ESRRG: variants seen among roughly 807,000 people sequenced by gnomAD.
ESRRG encodes estrogen-related receptor gamma.
A neutral mutation model predicts 44.0 loss-of-function variants in ESRRG; 13 were observed. The ratio of observed to expected loss-of-function variants is 0.30; its 90% CI spans 0.19 to 0.47. The LOEUF (loss-of-function observed/expected upper bound fraction) is 0.47. Ranked by LOEUF, ESRRG falls within the 20% of genes least tolerant of loss-of-function variation. ESRRG has a pLI of 1.00. For missense variants in ESRRG, 395 were observed against 580.6 expected (o/e 0.68, Z 3.29); for synonymous variants, 215 against 214.6 (o/e 1.00, Z -0.02).
chr1:217,008,797 T>C (rs1408863598), intron 1 of ESRRG, among the ~76,000 whole-genome samples: 2 of 152,186 alleles, frequency 1.3e-5, no homozygotes, highest in Non-Finnish European at 2.9e-5. Flanking sequence ...TTCCACTTGC[T>C]TCTGTGGTAA....
At chr1:216,652,181 C>T (rs1286188663) in intron 2 of ESRRG, among the ~76,000 whole-genome samples, 1 of 152,150 alleles carries the variant, frequency 6.6e-6, no homozygotes, top group East Asian at 1.9e-4. Context: ...AGCATAATTG[C>T]AATTTTGCTG....
At chr1:216,583,798 G>A (rs1203677072) in intron 3 of ESRRG, among the ~76,000 whole-genome samples, 1 of 152,194 alleles carries the variant, frequency 6.6e-6, no homozygotes, top group African/African-American at 2.4e-5. Context: ...ATGGTGGAAG[G>A]CAAGGAGGAG....
intron 3 of ESRRG, among the ~76,000 whole-genome samples, chr1:216,571,227 G>A (rs931363223): frequency 2.0e-5 from 3 of 152,216 alleles, no homozygotes; most frequent in South Asian, 2.1e-4. Flanking sequence ...TGGATCACCC[G>A]AGGTCAGGAG....
intron 1 of ESRRG, among the ~76,000 whole-genome samples, chr1:217,008,556 CTG>C (rs1218061475): frequency 1.3e-5 from 2 of 152,298 alleles, no homozygotes; most frequent in South Asian, 4.1e-4. Flanking sequence ...TTGCTAGTGA[CTG>C]TGAGAACTCT....
At chr1:216,934,802 T>C (rs2149866693) in intron 2 of ESRRG, among the ~76,000 whole-genome samples, 1 of 152,250 alleles carries the variant, frequency 6.6e-6, no homozygotes, top group African/African-American at 2.4e-5. Flanking sequence ...TAAAAAGTGG[T>C]TATCCACTGA....
intron 2 of ESRRG, among the ~76,000 whole-genome samples, chr1:216,656,414 G>C (rs1015439362): frequency 3.3e-5 from 5 of 152,072 alleles, no homozygotes; most frequent in Non-Finnish European, 7.4e-5. Flanking sequence ...AATATCTCCT[G>C]GCGGCTTTTC....
chr1:217,111,340 C>T (rs1404225546), intron 1 of ESRRG, among the ~76,000 whole-genome samples: 3 of 152,150 alleles, frequency 2.0e-5, no homozygotes, highest in Admixed American at 6.5e-5. Flanking sequence ...ACCCAGCTCA[C>T]CCAAACAAAA....
intron 4 of ESRRG, among the ~76,000 whole-genome samples, 189 bp from the exon 5 acceptor site, chr1:216,564,569 G>A (rs186940755): frequency 1.3e-5 from 2 of 152,086 alleles, no homozygotes; most frequent in Admixed American, 6.6e-5. Flanking sequence ...ATATGCCACT[G>A]CAGTCGTGAT....
intron 1 of ESRRG, among the ~76,000 whole-genome samples, chr1:216,995,604 C>G (rs956967243): frequency 6.6e-6 from 1 of 152,154 alleles, no homozygotes; most frequent in African/African-American, 2.4e-5. Context: ...TCATTTCTTC[C>G]AGAGGGTATC....
In ESRRG at chr1:216,819,136, C is replaced by T. The variant is rs896338088; in HGVS notation, c.-14+120446G>A. Among the ~76,000 whole-genome samples the T allele has an allele frequency of 2.6e-5, 4 of 152,166 alleles. No homozygotes were observed. In the East Asian group the frequency reaches 7.7e-4, roughly 29 times the overall value. On this transcript the variant is annotated intron_variant, in intron 2 of 7. Transcript: ENST00000359162. ...TCCTTTAGGTCAAATGGTATTTCTG[C>T]CTCTAGATCTTTAAGGAATTGTCAC...
chr1:217,114,763 T>C (rs2092701904), intron 1 of ESRRG, among the ~76,000 whole-genome samples: 1 of 151,102 alleles, frequency 6.6e-6, no homozygotes, highest in Admixed American at 6.6e-5. Context: ...TTCAAGCAAT[T>C]CTCCTGCCTC....
chr1:216,540,801 A>G (rs1480805130), intron 5 of ESRRG, among the ~76,000 whole-genome samples: 1 of 152,038 alleles, frequency 6.6e-6, no homozygotes, highest in African/African-American at 2.4e-5. Context: ...TTACTAAGGT[A>G]TGCTCTTTAG....
rs148549550 is a variant in ESRRG, at chr1:216,678,554, T to C, written c.57-1063A>G. Among the ~76,000 whole-genome samples, 17 of 152,364 alleles carry C rather than the reference T, an allele frequency of 1.1e-4. No individual in the cohort carries two copies. The East Asian group carries it at 3.3e-3, about 29-fold the overall frequency. On this transcript the variant is annotated intron_variant, in intron 1 of 6. Transcript: ENST00000408911. ...CTAATCTGACACACTGTTTCTCTTA[T>C]CTAGAAGAAACACTTCATCCCTTTT...
intron 1 of ESRRG, among the ~76,000 whole-genome samples, chr1:217,133,097 C>T (rs566088415): frequency 6.6e-5 from 10 of 152,284 alleles, no homozygotes; most frequent in Middle Eastern, 3.4e-3. Flanking sequence ...AGGCCTAGCG[C>T]GGGAAGGACA....
At chr1:217,131,447 T>C (rs1456214040) in intron 1 of ESRRG, among the ~76,000 whole-genome samples, 1 of 152,202 alleles carries the variant, frequency 6.6e-6, no homozygotes, top group Non-Finnish European at 1.5e-5. Flanking sequence ...TAGCTAGAAC[T>C]ACCTGGAGAA....
intron 2 of ESRRG, among the ~76,000 whole-genome samples, chr1:216,929,001 A>T (rs1222735779): frequency 6.6e-6 from 1 of 152,192 alleles, no homozygotes; most frequent in Admixed American, 6.5e-5. Context: ...TCAATTTGAG[A>T]TGATGAAAAA....
intron 1 of ESRRG, among the ~76,000 whole-genome samples, chr1:217,106,214 G>A (rs1025653957): frequency 2.0e-5 from 3 of 152,150 alleles, no homozygotes; most frequent in Non-Finnish European, 4.4e-5. Context: ...CATTGTTTTT[G>A]TAAGTAATGG....
At chr1:216,727,045 T>G (rs563779848), upstream of ESRRG, among the ~76,000 whole-genome samples, 1 of 152,332 alleles carries the variant, frequency 6.6e-6, no homozygotes, top group African/African-American at 2.4e-5. Flanking sequence ...ATAGCTATTT[T>G]TAGCTCCTAT....
Position 216,512,604 on chromosome 1 carries a change from G to T in ESRRG, c.1133-5421C>A, listed in dbSNP as rs1475597678. Among the ~76,000 whole-genome samples the T allele has an allele frequency of 2.0e-5, 3 of 152,262 alleles. No individual in the cohort carries two copies. In the East Asian group the frequency reaches 5.8e-4, roughly 29 times the overall value. On this transcript the variant is annotated intron_variant, in intron 6 of 6. Coordinates refer to ENST00000408911, the MANE Select transcript of ESRRG (RefSeq NM_001438.4). The stretch of plus-strand genomic sequence containing the variant: ...GATTACTTTTGTGGGAAGGGAAGGG[G>T]CTGAGATAGGAACAAGACACTTGAA...
Sources: allele counts gnomAD v4.1 joint callset (sites outside exome capture counted in the v4.1 genomes callset), GRCh38; gene constraint gnomAD v4.1.1; transcripts MANE v1.5; gene names NCBI Gene and HGNC (gene_info 2026-07-23, HGNC 2026-07-21).